The following IMMP2L variants were observed in gnomAD, a reference collection of about 807,000 sequenced individuals.
IMMP2L encodes inner mitochondrial membrane peptidase subunit 2, also known as mitochondrial inner membrane protease subunit 2.
Under a neutral mutation model 19.3 loss-of-function variants are expected in IMMP2L, and 18 were observed. The observed-to-expected ratio is 0.93, with a 90% CI of 0.64 to 1.38. IMMP2L has a LOEUF of 1.38. IMMP2L is among the 40% of genes most tolerant of loss of function. IMMP2L has a pLI of 0.00. For missense variants in IMMP2L, 233 were observed against 218.2 expected (o/e 1.07, Z -0.43); for synonymous variants, 76 against 73.0 (o/e 1.04, Z -0.21).
chr7:110,910,888 T>C (rs1812990335), intron 4 of IMMP2L, among the ~76,000 whole-genome samples: 1 of 152,224 alleles, frequency 6.6e-6, no homozygotes, highest in South Asian at 2.1e-4. Context: ...AAGATATTGT[T>C]GATCTAGGAG....
intron 1 of IMMP2L, among the ~76,000 whole-genome samples, chr7:111,529,872 G>A (rs1452865413): frequency 6.6e-6 from 1 of 152,152 alleles, no homozygotes; most frequent in East Asian, 1.9e-4. Context: ...TCATGCTCTA[G>A]TACAACTGAT....
chr7:110,723,073 T>C (rs932852647), intron 5 of IMMP2L, among the ~76,000 whole-genome samples: 4 of 152,122 alleles, frequency 2.6e-5, no homozygotes, highest in African/African-American at 9.7e-5. Flanking sequence ...GTGCATTTCA[T>C]AAAACACAGA....
chr7:111,360,190 G>A (rs1338635439), intron 3 of IMMP2L, among the ~76,000 whole-genome samples: 2 of 152,096 alleles, frequency 1.3e-5, no homozygotes, highest in Admixed American at 6.6e-5. Flanking sequence ...ATAATACATG[G>A]AGCTAAAATC....
chr7:110,999,468 T>C (rs999276900), intron 3 of IMMP2L, among the ~76,000 whole-genome samples: 3 of 151,940 alleles, frequency 2.0e-5, no homozygotes, highest in African/African-American at 7.2e-5. Flanking sequence ...TCTAGTGTTA[T>C]TGATTTAATT....
At chr7:111,408,887 T>C (rs951822361) in intron 3 of IMMP2L, among the ~76,000 whole-genome samples, 2 of 151,694 alleles carry the variant, frequency 1.3e-5, no homozygotes, top group African/African-American at 4.9e-5. Context: ...AAGGAAGATA[T>C]GTAACTAAAA....
At chr7:111,206,911 C>A (rs1810770795) in intron 3 of IMMP2L, among the ~76,000 whole-genome samples, 1 of 152,174 alleles carries the variant, frequency 6.6e-6, no homozygotes, top group Admixed American at 6.5e-5. Context: ...CAGATGAGCA[C>A]ACCCAGCATA....
At chr7:111,195,350 C>T (rs923002594) in intron 3 of IMMP2L, among the ~76,000 whole-genome samples, 2 of 151,956 alleles carry the variant, frequency 1.3e-5, no homozygotes, top group Admixed American at 6.6e-5. Flanking sequence ...ATACCAATTT[C>T]TATGATCTCA....
At chr7:111,523,546 G>A (rs1846552583) in intron 1 of IMMP2L, among the ~76,000 whole-genome samples, 1 of 151,968 alleles carries the variant, frequency 6.6e-6, no homozygotes, top group Admixed American at 6.6e-5. Context: ...ATCAATGAGG[G>A]CTATATGTAT....
intron 3 of IMMP2L, among the ~76,000 whole-genome samples, chr7:110,978,350 A>G (rs998200398): frequency 2.6e-5 from 4 of 152,054 alleles, no homozygotes; most frequent in Non-Finnish European, 5.9e-5. Flanking sequence ...ATATTTTACA[A>G]TAAGAAAGGT....
chr7:111,249,879 C>T (rs1463063618), intron 3 of IMMP2L, among the ~76,000 whole-genome samples: 3 of 152,070 alleles, frequency 2.0e-5, no homozygotes, highest in Non-Finnish European at 2.9e-5. Flanking sequence ...CATTCCCGTT[C>T]AACACAGTAT....
chr7:110,827,831 T>C (rs1384880879), intron 5 of IMMP2L, among the ~76,000 whole-genome samples: 1 of 152,054 alleles, frequency 6.6e-6, no homozygotes, highest in Non-Finnish European at 1.5e-5. Flanking sequence ...ACTAATATCA[T>C]CAAGAATATA....
At chr7:110,782,024 T>C (rs879224256) in intron 5 of IMMP2L, among the ~76,000 whole-genome samples, 6 of 151,900 alleles carry the variant, frequency 3.9e-5, no homozygotes, top group East Asian at 1.9e-4. Flanking sequence ...CCAGTAGTGG[T>C]TGTAAGAGCT....
chr7:111,057,783 T>G (rs1474655687), intron 3 of IMMP2L, among the ~76,000 whole-genome samples: 1 of 152,214 alleles, frequency 6.6e-6, no homozygotes, highest in Non-Finnish European at 1.5e-5. Context: ...AACCTCTAAT[T>G]ATTTGGCAAT....
chr7:111,530,767 T>C (rs989748790), intron 1 of IMMP2L, among the ~76,000 whole-genome samples: 2 of 152,092 alleles, frequency 1.3e-5, no homozygotes, highest in Non-Finnish European at 2.9e-5. Flanking sequence ...TTAGAATGTT[T>C]CTGTATGTTT....
At chr7:111,414,218 G>A (rs576114782) in intron 3 of IMMP2L, among the ~76,000 whole-genome samples, 2 of 151,860 alleles carry the variant, frequency 1.3e-5, no homozygotes, top group African/African-American at 2.4e-5. Context: ...GGAAGATTCC[G>A]AGTGAATTTC....
chr7:111,408,398 C>G (rs948735865), intron 3 of IMMP2L, among the ~76,000 whole-genome samples: 1 of 151,726 alleles, frequency 6.6e-6, no homozygotes, highest in Non-Finnish European at 1.5e-5. Flanking sequence ...TATGTTCATA[C>G]AGACACAGAA....
At chr7:110,772,943 ATTCAT>A (rs1482718244) in intron 5 of IMMP2L, among the ~76,000 whole-genome samples, 4 of 151,448 alleles carry the variant, frequency 2.6e-5, no homozygotes, top group East Asian at 1.9e-4. Context: ...TATCGGCCAT[ATTCAT>A]TTCTTTTTTT....
intron 3 of IMMP2L, among the ~76,000 whole-genome samples, chr7:111,037,096 G>A (rs1446648886): frequency 5.3e-5 from 8 of 151,990 alleles, no homozygotes; most frequent in Admixed American, 3.9e-4. Context: ...AATTTTTTAC[G>A]AGGAAAAATT....
intron 3 of IMMP2L, among the ~76,000 whole-genome samples, chr7:111,058,012 G>A (rs1401812813): frequency 2.6e-5 from 4 of 152,050 alleles, no homozygotes; most frequent in Non-Finnish European, 4.4e-5. Flanking sequence ...AGGATCTTCA[G>A]CAGCTCTCTT....
Sources: allele counts gnomAD v4.1 joint callset (sites outside exome capture counted in the v4.1 genomes callset), GRCh38; gene constraint gnomAD v4.1.1; transcripts MANE v1.5; gene names NCBI Gene and HGNC (gene_info 2026-07-23, HGNC 2026-07-21).